The following MTFR1 variants were observed in gnomAD, a reference collection of about 807,000 sequenced individuals.
The protein encoded by MTFR1 is chondrocyte protein with a poly-proline region.
In MTFR1, 28 loss-of-function variants were observed where a neutral mutation model predicts 38.8. The observed-to-expected ratio is 0.72, with a 90% confidence interval of 0.53 to 0.99. The LOEUF (loss-of-function observed/expected upper bound fraction) is 0.99, where lower values mean the gene tolerates loss of function less well. Ranked by LOEUF, MTFR1 falls within the 50% of genes least tolerant of loss-of-function variation. The pLI is 0.00. For missense variants in MTFR1, 358 were observed against 395.5 expected, an observed-to-expected ratio of 0.91 and a Z score of 0.81; for synonymous variants, 145 against 137.0, an observed-to-expected ratio of 1.06 and a Z score of -0.41.
At chr8:65,743,790 C>T (rs966575376) in intron 3 of MTFR1, among the ~76,000 whole-genome samples, 8 of 151,776 alleles carry the variant, frequency 5.3e-5, no homozygotes, top group Admixed American at 5.2e-4. Flanking sequence ...TCAGCACTGA[C>T]TTCCTCTCAG....
At chr8:65,756,585 T>C (rs1392861342) in intron 3 of MTFR1, among the ~76,000 whole-genome samples, 1 of 152,194 alleles carries the variant, frequency 6.6e-6, no homozygotes, top group Non-Finnish European at 1.5e-5. Flanking sequence ...TTCTGTTTGG[T>C]TCCTTTTTAC....
Position 65,708,021 on chromosome 8 carries a change from T to G in MTFR1, c.933+10T>G, listed in dbSNP as rs531958126. On this transcript the variant is annotated intron_variant, in intron 7 of 7. Transcript: ENST00000262146. ...CTCAGAGAGAGTGTTGGTGAGTTAT[T>G]TGCCCAGATTTCTTTCCTGTTATGT... 2 of 1,610,766 alleles carry G rather than the reference T, an allele frequency of 1.2e-6. No individual in the cohort carries two copies. The highest frequency in any genetic ancestry group is 2.2e-5 in the South Asian group (2 of 91,084).
intron 2 of MTFR1, chr8:65,718,070 T>A (rs1806212758): frequency 6.6e-6 from 1 of 152,226 alleles, no homozygotes; most frequent in Non-Finnish European, 1.5e-5. Flanking sequence ...ACAATGCACT[T>A]TTTTCAAATC....
At chr8:65,690,597 C>T (rs965596069) in intron 3 of MTFR1, among the ~76,000 whole-genome samples, 1 of 152,130 alleles carries the variant, frequency 6.6e-6, no homozygotes, top group Admixed American at 6.6e-5. Flanking sequence ...CTCCTCCCCA[C>T]ACTTTGTTTC....
downstream of MTFR1, among the ~76,000 whole-genome samples, chr8:65,772,051 G>C (rs925128580): frequency 2.0e-5 from 3 of 152,000 alleles, no homozygotes; most frequent in African/African-American, 7.2e-5. Flanking sequence ...GAATAGAATA[G>C]GCTATGTAAG....
chr8:65,743,164 G>C (rs995407556), intron 3 of MTFR1, among the ~76,000 whole-genome samples: 2 of 152,184 alleles, frequency 1.3e-5, no homozygotes, highest in Non-Finnish European at 2.9e-5. Context: ...AAAATGTTAA[G>C]AGTGGCATTG....
At chr8:65,659,391 A>G (rs1262324015) in intron 1 of MTFR1, among the ~76,000 whole-genome samples, 3 of 151,924 alleles carry the variant, frequency 2.0e-5, no homozygotes, top group African/African-American at 7.2e-5. Flanking sequence ...CAAGATCACA[A>G]AAGATCACAA....
At chr8:65,685,926 A>T (rs117836101) in intron 3 of MTFR1, among the ~76,000 whole-genome samples, 189 of 152,134 alleles carry the variant, frequency 1.2e-3, no homozygotes, top group Non-Finnish European at 2.1e-3. Flanking sequence ...AGGTTGAGGG[A>T]GTCATTGTGT....
At chr8:65,772,380 C>A (rs1415022538), downstream of MTFR1, among the ~76,000 whole-genome samples, 1 of 152,180 alleles carries the variant, frequency 6.6e-6, no homozygotes, top group Non-Finnish European at 1.5e-5. Flanking sequence ...TCTTTCAAAG[C>A]TTCAGTACCT....
chr8:65,686,780 G>A (rs886889240), intron 3 of MTFR1, among the ~76,000 whole-genome samples: 10 of 151,896 alleles, frequency 6.6e-5, no homozygotes, highest in South Asian at 2.1e-4. Flanking sequence ...AAAATTAGCC[G>A]GGCGTGGTGG....
chr8:65,756,771 T>TC lies in MTFR1; in HGVS notation c.*49-14175dup, dbSNP rs546119389. ...TCCTCCGGGGTGGTTTATATCAAAT[T>TC]CTTTTTTTTTCCTGTGGGCTATATT... On this transcript the variant is annotated intron_variant, in intron 3 of 3. Transcript: ENST00000521247. 6.6e-5 allele frequency among the ~76,000 whole-genome samples: 10 copies of TC among 151,996 alleles called. No individual in the cohort carries two copies. The East Asian group carries it at 1.9e-3, about 29-fold the overall frequency.
chr8:65,761,615 T>G (rs1439666661), intron 3 of MTFR1, among the ~76,000 whole-genome samples: 1 of 152,200 alleles, frequency 6.6e-6, no homozygotes, highest in African/African-American at 2.4e-5. Context: ...GGCTCTTTTC[T>G]AAAATATCAC....
chr8:65,656,613 C>T (rs1029107395), intron 1 of MTFR1, among the ~76,000 whole-genome samples: 3 of 151,026 alleles, frequency 2.0e-5, no homozygotes, highest in Non-Finnish European at 2.9e-5. Flanking sequence ...GCGATTCTCA[C>T]GCCTCAGCCT....
Position 65,693,671 on chromosome 8 carries a change from C to T in MTFR1, c.193C>T (p.Pro65Ser). Reference protein sequence around the residue: ...QINSHATEWSPSHPGEDAVAS... With the variant: ...QINSHATEWSSSHPGEDAVAS... ...TAACAGCCATGCAACAGAATGGAGT[C>T]CCAGCCACCCAGGAGAGGATGCAGT... is the stretch of plus-strand genomic sequence containing the variant. Residue 65 changes from proline (P) to serine (S), a missense_variant, in exon 4 of 8, where the codon CCC (proline) becomes TCC (serine). Coordinates refer to ENST00000262146, the MANE Select transcript of MTFR1 (RefSeq NM_014637.4). The T allele has an allele frequency of 6.2e-7, 1 of 1,614,034 alleles. No individual in the cohort carries two copies.
At chr8:65,725,312 T>C (rs1366726076) in intron 3 of MTFR1, 1 of 157,248 alleles carries the variant, frequency 6.4e-6, no homozygotes, top group Admixed American at 6.5e-5. Flanking sequence ...GGTTTGCTTT[T>C]TAGTGCCTGA....
At position 65,687,835 on chromosome 8, in the gene MTFR1, C is replaced by A. The variant is rs143154768; in HGVS notation, c.165+5384C>A. 5.4e-3 allele frequency among the ~76,000 whole-genome samples: 828 copies of A among 152,084 alleles called. 11 individuals carry two copies. Among genetic ancestry groups the A allele is most frequent in the African/African-American group, 0.019 (786 of 41,518 alleles). On this transcript the variant is annotated intron_variant, in intron 3 of 7. Coordinates refer to ENST00000262146, the MANE Select transcript of MTFR1 (RefSeq NM_014637.4). ...AGCAATTCGGCTAGGCGCGGTGGCC[C>A]ACACCTAAAATCCCAGCACTTTGGG... is the stretch of plus-strand genomic sequence containing the variant.
intron 1 of MTFR1, among the ~76,000 whole-genome samples, chr8:65,650,847 G>A (rs1388023551): frequency 1.3e-5 from 2 of 152,124 alleles, no homozygotes; most frequent in Non-Finnish European, 2.9e-5. Flanking sequence ...TCATATGGTA[G>A]CTCTATTTCT....
intron 2 of MTFR1, among the ~76,000 whole-genome samples, chr8:65,676,887 C>CTGT (rs1202794903): frequency 6.6e-6 from 1 of 152,094 alleles, no homozygotes; most frequent in East Asian, 1.9e-4. Context: ...AACTACTTTC[C>CTGT]TGTTGTCATC....
intron 3 of MTFR1, among the ~76,000 whole-genome samples, chr8:65,730,210 C>T (rs1237654769): frequency 1.6e-4 from 14 of 86,644 alleles, no homozygotes; most frequent in East Asian, 7.7e-4. Context: ...GATGGAGTTT[C>T]GCTCTTGTTG....
Sources: gnomAD v4.1 joint callset for allele counts (sites outside exome capture counted in the v4.1 genomes callset) on GRCh38, gnomAD v4.1.1 for gene constraint, MANE v1.5 for transcripts, NCBI Gene and HGNC (gene_info 2026-07-23, HGNC 2026-07-21) for gene names.